POLR2B: variants seen among roughly 807,000 people sequenced by gnomAD.
POLR2B encodes DNA-directed RNA polymerase II subunit RPB2.
In POLR2B, 57 loss-of-function variants were observed where a neutral mutation model predicts 144.6. The observed-to-expected ratio is 0.39, with a 90% CI of 0.32 to 0.49. POLR2B has a LOEUF of 0.49. POLR2B is among the 20% of genes least tolerant of loss of function. The probability of loss-of-function intolerance (pLI) is 0.83; values close to 1 mark genes in which losing one functional copy is unlikely to be tolerated. For synonymous variants in POLR2B, 442 were observed against 469.8 expected (o/e 0.94, Z 0.77); for missense variants, 595 against 1,467.4 (o/e 0.41, Z 9.71).
At chr4:57,012,718 A>G (rs67479587) in intron 13 of POLR2B, among the ~76,000 whole-genome samples, 56,073 of 151,950 alleles carry the variant, frequency 0.37, 10,626 homozygotes, top group South Asian at 0.47. Context: ...AGGCTGGAGT[A>G]GAGTGTTGCT....
At chr4:57,016,054 C>T (rs965815901) in intron 14 of POLR2B, among the ~76,000 whole-genome samples, 2 of 152,122 alleles carry the variant, frequency 1.3e-5, no homozygotes, top group African/African-American at 2.4e-5. Flanking sequence ...CCACTGCGTC[C>T]GGCAAGTTAA....
At chr4:57,008,527 C>T (rs546729720) in intron 10 of POLR2B, among the ~76,000 whole-genome samples, 1 of 152,282 alleles carries the variant, frequency 6.6e-6, no homozygotes, top group Admixed American at 6.5e-5. Context: ...TTATTGGGAC[C>T]TGTGATGTGC....
intron 1 of POLR2B, among the ~76,000 whole-genome samples, chr4:56,981,458 G>A (rs747123964): frequency 6.6e-6 from 1 of 152,202 alleles, no homozygotes; most frequent in South Asian, 2.1e-4. Context: ...TGATATGCAC[G>A]TTTAACATTT....
chr4:57,010,567 A>G (rs1723159343), intron 11 of POLR2B, 63 bp downstream of exon 11: 13 of 1,505,960 alleles, frequency 8.6e-6, no homozygotes, highest in Non-Finnish European at 1.2e-5. Flanking sequence ...GGGCATAATT[A>G]CTTTTAGAAA....
intron 13 of POLR2B, among the ~76,000 whole-genome samples, chr4:57,014,563 C>T (rs1214603776): frequency 1.5e-5 from 2 of 134,134 alleles, no homozygotes; most frequent in Non-Finnish European, 3.1e-5. Flanking sequence ...AGTGCAGTGG[C>T]GTGATCTAGG....
rs1578551872 is a variant in POLR2B at position 56,981,974 on chromosome 4, C to T, written c.19+2970C>T. 3.3e-5 allele frequency among the ~76,000 whole-genome samples: 5 copies of T among 152,222 alleles called. No homozygotes were observed. In the South Asian group the frequency reaches 1.0e-3, roughly 32 times the overall value. ...GACATCTTCCCGGAAACTCACTCAG[C>T]TTTCTAGCGACATCACTTTCACTTG... On this transcript the variant is annotated intron_variant, in intron 1 of 24. Transcript: ENST00000314595.
rs1722798788 is a variant in POLR2B at position 56,999,786 on chromosome 4, T to C, written c.900+5T>C. On this transcript the variant is annotated splice_donor_5th_base_variant and intron_variant, in intron 7 of 24. Coordinates refer to ENST00000314595, the MANE Select transcript of POLR2B (RefSeq NM_000938.3). ...GATCCAGAGATGATGGAAATGGTAATGTGAAAGCAAAATGTATTCACAGAG... is the reference window on the plus strand; with the variant it reads ...GATCCAGAGATGATGGAAATGGTAACGTGAAAGCAAAATGTATTCACAGAG... 2 of 1,585,924 alleles carry C rather than the reference T, an allele frequency of 1.3e-6. No homozygotes were observed.
intron 1 of POLR2B, among the ~76,000 whole-genome samples, chr4:56,981,052 C>T (rs1360563739): frequency 1.3e-5 from 2 of 152,132 alleles, no homozygotes; most frequent in East Asian, 3.9e-4. Context: ...ATTCACCTGC[C>T]TCGGCCTCCG....
intron 10 of POLR2B, 121 bp downstream of exon 10, chr4:57,007,123 T>G: frequency 1.4e-6 from 1 of 728,250 alleles, no homozygotes; most frequent in Admixed American, 2.9e-5. Flanking sequence ...GTAAAACTAC[T>G]GGGTGCCGGG....
At chr4:56,979,825 G>A (rs778386125) in intron 1 of POLR2B, among the ~76,000 whole-genome samples, 6 of 151,474 alleles carry the variant, frequency 4.0e-5, no homozygotes, top group Non-Finnish European at 8.8e-5. Context: ...CTTGAGCCCA[G>A]GAGGCGGAGT....
At chr4:56,982,245 C>T (rs1410215983) in intron 1 of POLR2B, among the ~76,000 whole-genome samples, 1 of 152,122 alleles carries the variant, frequency 6.6e-6, no homozygotes, top group African/African-American at 2.4e-5. Flanking sequence ...CCCAAAGCCA[C>T]TGCCTCCTGT....
intron 2 of POLR2B, chr4:56,986,649 T>C: frequency 3.0e-6 from 1 of 336,446 alleles, no homozygotes; most frequent in Non-Finnish European, 5.3e-6. Flanking sequence ...TTTCTTTGTC[T>C]TTTTCTCTTT....
chr4:57,007,642 T>G (rs1380731359), intron 10 of POLR2B, among the ~76,000 whole-genome samples: 2 of 152,198 alleles, frequency 1.3e-5, no homozygotes, highest in African/African-American at 4.8e-5. Context: ...AAAATGGTCA[T>G]CGCCCTCCTT....
In POLR2B at chr4:56,992,560, ATTTT is replaced by A. The variant is rs779373741; in HGVS notation, c.243+1676_243+1679del. ...ATCAGTATGTGATTTTGGCTTATCT[ATTTT>A]TTTTTTTTTTTTTGAGACAGAGTCT... is the stretch of plus-strand genomic sequence containing the variant. On this transcript the variant is annotated intron_variant, in intron 3 of 24. Transcript: ENST00000314595. Among the ~76,000 whole-genome samples the A allele has an allele frequency of 4.5e-3, 385 of 85,596 alleles. 2 individuals are homozygous for A. Among genetic ancestry groups the A allele is most frequent in the Non-Finnish European group, 7.2e-3 (320 of 44,298 alleles). 56.2% of individuals were successfully genotyped at this position (85,596 alleles called of 152,430 possible). A position where few individuals can be genotyped will look rare whatever the true frequency, so the allele number is the denominator to read the frequency against.
chr4:57,015,706 T>A, intron 14 of POLR2B, 50 bp downstream of exon 14: 4 of 764,722 alleles, frequency 5.2e-6, no homozygotes, highest in Non-Finnish European at 7.8e-6. Flanking sequence ...TGAGATAGAA[T>A]TTACATACTG....
chr4:57,010,789 G>A lies in POLR2B; in HGVS notation c.1590G>A (p.Ala530=), dbSNP rs1718878. Residue 530 remains alanine, a synonymous_variant, in exon 12 of 25, where the codon GCG becomes GCA. Transcript: ENST00000314595. ...VGLVKNLALM[A]YISVGSQPSP... ...TTGTGAAGAATTTAGCCTTGATGGCGTATATTTCAGTTGGATCTCAACCAT... is the reference window on the plus strand; with the variant it reads ...TTGTGAAGAATTTAGCCTTGATGGCATATATTTCAGTTGGATCTCAACCAT... 562,813 of 1,604,952 alleles carry A rather than the reference G, an allele frequency of 0.35. 100,575 individuals carry two copies. Among genetic ancestry groups the A allele is most frequent in the South Asian group, 0.45 (40,607 of 90,280 alleles).
chr4:56,992,582 C>T (rs1259759495), intron 3 of POLR2B, among the ~76,000 whole-genome samples: 1 of 111,982 alleles, frequency 8.9e-6, no homozygotes, highest in Non-Finnish European at 1.7e-5. Context: ...TTTTTTGAGA[C>T]AGAGTCTCGC....
At chr4:56,986,205 T>C (rs1259727473) in intron 1 of POLR2B, 149 bp from the exon 2 acceptor site, 2 of 726,846 alleles carry the variant, frequency 2.8e-6, no homozygotes, top group Admixed American at 3.7e-5. Flanking sequence ...ATTATTTTAT[T>C]AATGTAATTG....
In POLR2B at chr4:57,006,800, C is replaced by T; in HGVS notation, c.1218-16C>T. ...AGACCTCTACATGTTTAAAATAATA[C>T]CATTTTATTCGGCAGTATGTTTAAG... On this transcript the variant is annotated splice_polypyrimidine_tract_variant and intron_variant, in intron 9 of 24. Transcript: ENST00000314595. 6.3e-7 allele frequency: 1 copy of T among 1,577,452 alleles called. No individual in the cohort carries two copies. The highest frequency in any genetic ancestry group is 1.7e-5 in the Admixed American group (1 of 59,272).
Sources: gnomAD v4.1 joint callset for allele counts (sites outside exome capture counted in the v4.1 genomes callset) on GRCh38, gnomAD v4.1.1 for gene constraint, MANE v1.5 for transcripts, NCBI Gene and HGNC (gene_info 2026-07-23, HGNC 2026-07-21) for gene names.